Variants in AMBRA1 observed in about 807,000 individuals in gnomAD.
The protein encoded by AMBRA1 is autophagy and beclin 1 regulator 1.
AMBRA1 carries 47 observed loss-of-function variants against 125.4 expected under a neutral mutation model. The observed-to-expected ratio is 0.37, with a 90% CI of 0.30 to 0.48. AMBRA1 has a LOEUF of 0.48. AMBRA1 is among the 20% of genes least tolerant of loss of function. The pLI is 0.99. For missense variants in AMBRA1, 1,331 were observed against 1,693.4 expected (o/e 0.79, Z 3.76); for synonymous variants, 626 against 655.5 (o/e 0.95, Z 0.69).
chr11:46,492,026 T>C (rs1045446139), intron 11 of AMBRA1, among the ~76,000 whole-genome samples: 7 of 152,310 alleles, frequency 4.6e-5, no homozygotes, highest in Admixed American at 4.6e-4. Context: ...AGAAGAGCTC[T>C]AGAGTATTGT....
chr11:46,570,812 C>T (rs1760687451), intron 1 of AMBRA1, among the ~76,000 whole-genome samples: 1 of 152,156 alleles, frequency 6.6e-6, no homozygotes, highest in South Asian at 2.1e-4. Flanking sequence ...TTTCTAAATA[C>T]ATCTGCTGAT....
At chr11:46,543,765 G>A (rs543016757) in intron 6 of AMBRA1, among the ~76,000 whole-genome samples, 1 of 152,290 alleles carries the variant, frequency 6.6e-6, no homozygotes, top group East Asian at 1.9e-4. Flanking sequence ...TACTTCTAAT[G>A]AGGCAATCAC....
At chr11:46,523,394 A>G (rs1951838204) in intron 7 of AMBRA1, among the ~76,000 whole-genome samples, 2 of 152,116 alleles carry the variant, frequency 1.3e-5, no homozygotes, top group Admixed American at 1.3e-4. Context: ...AACGACACCT[A>G]AAGTACAATT....
At chr11:46,417,809 G>A in intron 15 of AMBRA1, 104 bp downstream of exon 15, 6 of 1,379,656 alleles carry the variant, frequency 4.3e-6, no homozygotes, top group Non-Finnish European at 2.9e-6. Flanking sequence ...GCAGGCTCTA[G>A]ATGGATTGAC....
chr11:46,528,093 G>A (rs1047308680), intron 7 of AMBRA1, among the ~76,000 whole-genome samples: 7 of 152,164 alleles, frequency 4.6e-5, no homozygotes, highest in Non-Finnish European at 1.0e-4. Context: ...AAGAAAATGT[G>A]GTATATACAT....
intron 16 of AMBRA1, 109 bp downstream of exon 16, chr11:46,410,167 G>C (rs915686259): frequency 2.3e-5 from 22 of 944,266 alleles, no homozygotes; most frequent in Admixed American, 1.8e-4. Flanking sequence ...TGCTGCTCTG[G>C]TTGAGGAGGG....
intron 11 of AMBRA1, among the ~76,000 whole-genome samples, chr11:46,452,305 C>T (rs961426555): frequency 1.3e-5 from 2 of 152,002 alleles, no homozygotes; most frequent in African/African-American, 2.4e-5. Context: ...GTCTTATGTA[C>T]ATTTTAAAAA....
chr11:46,498,581 G>A (rs1950722784), intron 9 of AMBRA1, among the ~76,000 whole-genome samples: 1 of 152,174 alleles, frequency 6.6e-6, no homozygotes, highest in Non-Finnish European at 1.5e-5. Context: ...CCAGAACAAG[G>A]GAGAAACACA....
At chr11:46,584,749 C>T (rs2044306633) in intron 1 of AMBRA1, among the ~76,000 whole-genome samples, 2 of 152,050 alleles carry the variant, frequency 1.3e-5, no homozygotes, top group Admixed American at 1.3e-4. Flanking sequence ...GCTGGAAATA[C>T]AGGCATGCAC....
chr11:46,566,864 G>C (rs1238815603), intron 1 of AMBRA1, among the ~76,000 whole-genome samples: 1 of 152,050 alleles, frequency 6.6e-6, no homozygotes, highest in Non-Finnish European at 1.5e-5. Flanking sequence ...AACCGCCATT[G>C]TAAAACTAAT....
intron 1 of AMBRA1, among the ~76,000 whole-genome samples, chr11:46,550,303 T>C (rs1339682078): frequency 1.3e-5 from 2 of 152,236 alleles, no homozygotes; most frequent in South Asian, 2.1e-4. Context: ...TGCGTCACAG[T>C]TGATGTGCCT....
intron 9 of AMBRA1, among the ~76,000 whole-genome samples, chr11:46,507,466 G>A (rs1232941346): frequency 1.4e-5 from 2 of 143,170 alleles, no homozygotes; most frequent in African/African-American, 5.2e-5. Flanking sequence ...GCGAAAGAGC[G>A]AGACTCCGTC....
At chr11:46,458,180 T>G (rs1948934811) in intron 11 of AMBRA1, among the ~76,000 whole-genome samples, 2 of 152,084 alleles carry the variant, frequency 1.3e-5, no homozygotes, top group Admixed American at 1.3e-4. Flanking sequence ...TAATTTGAAA[T>G]AGCTTCTAAT....
chr11:46,583,908 C>A (rs2044272998), intron 1 of AMBRA1, among the ~76,000 whole-genome samples: 2 of 142,390 alleles, frequency 1.4e-5, no homozygotes, highest in Non-Finnish European at 3.1e-5. Context: ...AATAGGAACA[C>A]TTTTACACTG....
At chr11:46,413,492 TTCTC>T (rs200121822) in intron 15 of AMBRA1, among the ~76,000 whole-genome samples, 1 of 151,806 alleles carries the variant, frequency 6.6e-6, no homozygotes, top group Non-Finnish European at 1.5e-5. Context: ...CTTTCTTTCT[TTCTC>T]TATTTTTTTC....
Position 46,588,993 on chromosome 11 carries a change from T to C in AMBRA1, c.-121+4835A>G, listed in dbSNP as rs186108238. On this transcript the variant is annotated intron_variant, in intron 1 of 17. Transcript: ENST00000683756. ...TAACATCTACTCTAAAGGACTCTTA[T>C]AAGTAATAAATGAAATAACACATGT... Among the ~76,000 whole-genome samples, 9 of 152,232 alleles carry C rather than the reference T, an allele frequency of 5.9e-5. No homozygotes were observed. The East Asian group carries it at 1.7e-3, about 29-fold the overall frequency.
At chr11:46,541,866 C>CCA in intron 7 of AMBRA1, 79 bp downstream of exon 7, 2 of 1,558,828 alleles carry the variant, frequency 1.3e-6, no homozygotes, top group Non-Finnish European at 1.7e-6. Flanking sequence ...CCAGATACAG[C>CCA]CACAACATCT....
chr11:46,573,713 T>C (rs1367332680), intron 1 of AMBRA1, among the ~76,000 whole-genome samples: 1 of 151,570 alleles, frequency 6.6e-6, no homozygotes, highest in East Asian at 1.9e-4. Context: ...ATGTGCATAT[T>C]GTGCAGGTTA....
chr11:46,404,797 C>T (rs1945929858), intron 17 of AMBRA1, among the ~76,000 whole-genome samples: 1 of 152,204 alleles, frequency 6.6e-6, no homozygotes, highest in Non-Finnish European at 1.5e-5. Context: ...CTCTGCCCCA[C>T]CCTCTGTCCC....
Sources: gnomAD v4.1 joint callset for allele counts (sites outside exome capture counted in the v4.1 genomes callset) on GRCh38, gnomAD v4.1.1 for gene constraint, MANE v1.5 for transcripts, NCBI Gene and HGNC (gene_info 2026-07-23, HGNC 2026-07-21) for gene names.